Variants in CNTNAP5 observed in about 807,000 individuals in gnomAD.
The protein encoded by CNTNAP5 is contactin-associated protein-like 5.
CNTNAP5 carries 72 observed loss-of-function variants against 150.2 expected under a neutral mutation model. The ratio of observed to expected loss-of-function variants is 0.48; its 90% CI spans 0.40 to 0.58. The LOEUF is 0.58. CNTNAP5 is among the 20% of genes least tolerant of loss of function. CNTNAP5 has a pLI of 0.00. For missense variants in CNTNAP5, 1,636 were observed against 1,626.2 expected, an observed-to-expected ratio of 1.01 and a Z score of -0.10; for synonymous variants, 672 against 619.8, an observed-to-expected ratio of 1.08 and a Z score of -1.25.
At chr2:124,913,275 C>T (rs572800579) in intron 23 of CNTNAP5, among the ~76,000 whole-genome samples, 146 of 152,196 alleles carry the variant, frequency 9.6e-4, no homozygotes, top group African/African-American at 3.4e-3. Context: ...TACATTCATG[C>T]AGAGACACAT....
intron 4 of CNTNAP5, among the ~76,000 whole-genome samples, chr2:124,428,013 G>A (rs1286582116): frequency 1.3e-5 from 2 of 152,130 alleles, no homozygotes; most frequent in African/African-American, 2.4e-5. Flanking sequence ...TGACCTCAAT[G>A]CTGCTGGTCC....
chr2:124,755,920 T>G (rs1052004035), intron 14 of CNTNAP5, among the ~76,000 whole-genome samples: 11 of 152,212 alleles, frequency 7.2e-5, no homozygotes, highest in African/African-American at 2.7e-4. Context: ...TGTCACTTAT[T>G]AACTAGAAAG....
intron 3 of CNTNAP5, among the ~76,000 whole-genome samples, chr2:124,282,998 T>C (rs1688051405): frequency 6.6e-6 from 1 of 151,566 alleles, no homozygotes; most frequent in Non-Finnish European, 1.5e-5. Flanking sequence ...ATTGCTCTTT[T>C]TTTTTTTTTT....
chr2:124,650,922 T>C (rs1678307553), intron 13 of CNTNAP5, among the ~76,000 whole-genome samples: 1 of 152,172 alleles, frequency 6.6e-6, no homozygotes, highest in Non-Finnish European at 1.5e-5. Context: ...ACATAACTGA[T>C]TATATCCTCA....
At chr2:124,189,548 T>A (rs571821701) in intron 1 of CNTNAP5, among the ~76,000 whole-genome samples, 1 of 152,318 alleles carries the variant, frequency 6.6e-6, no homozygotes, top group East Asian at 1.9e-4. Flanking sequence ...TTATAGGAGA[T>A]AATAGGTGTG....
intron 1 of CNTNAP5, among the ~76,000 whole-genome samples, chr2:124,191,948 C>T (rs948436651): frequency 1.3e-5 from 2 of 151,916 alleles, no homozygotes; most frequent in Non-Finnish European, 2.9e-5. Context: ...ACAAAACTCT[C>T]CCTAGCAGGC....
intron 13 of CNTNAP5, among the ~76,000 whole-genome samples, chr2:124,727,384 T>C (rs1157047031): frequency 1.3e-5 from 2 of 152,038 alleles, no homozygotes; most frequent in African/African-American, 4.8e-5. Flanking sequence ...AAAATTATGA[T>C]AATGATTGCA....
chr2:124,811,709 G>GGGT (rs1682225277), intron 19 of CNTNAP5, among the ~76,000 whole-genome samples: 1 of 137,072 alleles, frequency 7.3e-6, no homozygotes, highest in South Asian at 2.1e-4. Context: ...TAGGAGGCGG[G>GGGT]GGGGGTGGAT....
chr2:124,646,140 G>A (rs1467628325), intron 12 of CNTNAP5, among the ~76,000 whole-genome samples: 2 of 152,116 alleles, frequency 1.3e-5, no homozygotes, highest in Non-Finnish European at 2.9e-5. Context: ...ATCCTTTAGA[G>A]GTAATTAAAA....
chr2:124,558,297 A>G (rs34435943), intron 10 of CNTNAP5, among the ~76,000 whole-genome samples: 12,502 of 152,228 alleles, frequency 0.082, 1,343 homozygotes, highest in African/African-American at 0.25. Context: ...CTTGGATATA[A>G]GCTATGAGAG....
chr2:124,480,942 T>G (rs1573402813), intron 7 of CNTNAP5, among the ~76,000 whole-genome samples: 1 of 152,188 alleles, frequency 6.6e-6, no homozygotes, highest in African/African-American at 2.4e-5. Flanking sequence ...TGAAGAATAA[T>G]GTGCCTTAAA....
intron 3 of CNTNAP5, among the ~76,000 whole-genome samples, chr2:124,277,390 G>A (rs1385005798): frequency 2.0e-5 from 3 of 152,078 alleles, no homozygotes; most frequent in East Asian, 1.9e-4. Context: ...GAAACCATAT[G>A]AGTCCTATAA....
intron 7 of CNTNAP5, among the ~76,000 whole-genome samples, chr2:124,488,786 C>G (rs1034510485): frequency 6.6e-6 from 1 of 152,148 alleles, no homozygotes; most frequent in Non-Finnish European, 1.5e-5. Flanking sequence ...AGAATGTCTT[C>G]CTAAGGGAGC....
intron 1 of CNTNAP5, among the ~76,000 whole-genome samples, chr2:124,093,629 G>A (rs2104688617): frequency 6.7e-6 from 1 of 148,872 alleles, no homozygotes; most frequent in South Asian, 2.3e-4. Flanking sequence ...ATTTGATGTT[G>A]TTAAGGTAAA....
chr2:124,884,657 G>A (rs562336877), intron 21 of CNTNAP5, among the ~76,000 whole-genome samples: 3 of 151,988 alleles, frequency 2.0e-5, no homozygotes, highest in African/African-American at 4.8e-5. Context: ...CTTTCCCATC[G>A]CTTGCTTAGA....
chr2:124,660,391 G>A (rs561492743), intron 13 of CNTNAP5, among the ~76,000 whole-genome samples: 13 of 152,264 alleles, frequency 8.5e-5, no homozygotes, highest in Admixed American at 8.5e-4. Flanking sequence ...TGAGTTACTG[G>A]TTTCAATGAA....
At chr2:124,236,058 C>T (rs908224471) in intron 2 of CNTNAP5, among the ~76,000 whole-genome samples, 2 of 151,940 alleles carry the variant, frequency 1.3e-5, no homozygotes, top group African/African-American at 2.4e-5. Flanking sequence ...CTCTGCTTCC[C>T]GGGTTCAAGT....
At chr2:124,759,938 CTTTTTTTTTTTTTTT>C (rs571408475) in intron 14 of CNTNAP5, among the ~76,000 whole-genome samples, 1 of 83,646 alleles carries the variant, frequency 1.2e-5, no homozygotes, top group Non-Finnish European at 2.2e-5. Context: ...ACTCCTCGGT[CTTTTTTTTTTTTTTT>C]TTTTTTTTTT....
At chr2:124,025,801 A>C (rs1017711703) in intron 1 of CNTNAP5, 69 bp downstream of exon 1, 4 of 1,241,838 alleles carry the variant, frequency 3.2e-6, no homozygotes, top group Admixed American at 1.7e-5. Flanking sequence ...ACAATCAACT[A>C]TCTAAGCGTA....
Sources: gnomAD v4.1 joint callset for allele counts (sites outside exome capture counted in the v4.1 genomes callset) on GRCh38, gnomAD v4.1.1 for gene constraint, MANE v1.5 for transcripts, NCBI Gene and HGNC (gene_info 2026-07-23, HGNC 2026-07-21) for gene names.